Variants in GCNT1 observed in about 807,000 individuals in gnomAD.
GCNT1 encodes beta-1,3-galactosyl-O-glycosyl-glycoprotein beta-1,6-N-acetylglucosaminyltransferase.
Under a neutral mutation model 26.2 loss-of-function variants are expected in GCNT1, and 16 were observed. The observed-to-expected ratio is 0.61, with a 90% CI of 0.41 to 0.93. GCNT1 has a LOEUF of 0.93. Among genes scored for constraint, GCNT1 ranks in the 40% least tolerant of loss-of-function variants. The probability of loss-of-function intolerance (pLI) is 0.00; values close to 1 mark genes in which losing one functional copy is unlikely to be tolerated. For synonymous variants in GCNT1, 183 were observed against 190.8 expected, an observed-to-expected ratio of 0.96 and a Z score of 0.34; for missense variants, 477 against 526.7, an observed-to-expected ratio of 0.91 and a Z score of 0.92.
the GCNT1 span, among the ~76,000 whole-genome samples, chr9:76,403,971 CTT>C: frequency 2.0e-5 from 3 of 152,192 alleles, no homozygotes; most frequent in African/African-American, 7.2e-5. Flanking sequence ...ACACTGGACT[CTT>C]TTCAGAATAA....
At chr9:76,411,513 G>A in the GCNT1 span, among the ~76,000 whole-genome samples, 7 of 150,406 alleles carry the variant, frequency 4.7e-5, no homozygotes, top group Non-Finnish European at 8.9e-5. Flanking sequence ...ATTTTTTGTA[G>A]AGATAGTATC....
intron 2 of GCNT1, among the ~76,000 whole-genome samples, chr9:76,491,817 C>T (rs552957340): frequency 6.6e-6 from 1 of 152,326 alleles, no homozygotes; most frequent in African/African-American, 2.4e-5. Flanking sequence ...GGGCTGCACA[C>T]GTGCATATTT....
intron 1 of GCNT1, among the ~76,000 whole-genome samples, chr9:76,443,876 GGAAAGAAAGAAA>G (rs145373981): frequency 1.8e-5 from 1 of 54,372 alleles, no homozygotes; most frequent in Non-Finnish European, 4.1e-5. Context: ...TCTAAAAAAA[GGAAAGAAAGAAA>G]GAAAGAAAGA....
chr9:76,488,060 CCAGTAGCTGGA>C (rs752633460), intron 2 of GCNT1, among the ~76,000 whole-genome samples: 7 of 152,220 alleles, frequency 4.6e-5, no homozygotes, highest in African/African-American at 9.6e-5. Flanking sequence ...AACTCATTCT[CCAGTAGCTGGA>C]CAGTAGCTGG....
the GCNT1 span, among the ~76,000 whole-genome samples, chr9:76,406,396 C>G: frequency 6.7e-6 from 1 of 149,770 alleles, no homozygotes; most frequent in African/African-American, 2.5e-5. Context: ...ACTTGGGAGG[C>G]TGAGGTAGAA....
intron 2 of GCNT1, among the ~76,000 whole-genome samples, chr9:76,462,209 A>G (rs1564232021): frequency 6.6e-6 from 1 of 151,958 alleles, no homozygotes; most frequent in Admixed American, 6.6e-5. Context: ...CTAATGAGAA[A>G]TGTATTCATG....
chr9:76,403,830 T>C, the GCNT1 span, among the ~76,000 whole-genome samples: 1 of 152,228 alleles, frequency 6.6e-6, no homozygotes, highest in Non-Finnish European at 1.5e-5. Flanking sequence ...GCACCTAGAA[T>C]TATAGGCAGA....
At chr9:76,496,417 G>A (rs1209314875) in intron 2 of GCNT1, among the ~76,000 whole-genome samples, 1 of 152,114 alleles carries the variant, frequency 6.6e-6, no homozygotes, top group Non-Finnish European at 1.5e-5. Flanking sequence ...GTTCTTTCCC[G>A]CCTGTCAGCC....
the GCNT1 span, among the ~76,000 whole-genome samples, chr9:76,408,236 T>A: frequency 6.6e-6 from 1 of 152,234 alleles, no homozygotes; most frequent in Admixed American, 6.5e-5. Flanking sequence ...TAATTTTTCA[T>A]CATTAGCTGT....
chr9:76,422,444 T>C (rs970808983), intron 1 of GCNT1, among the ~76,000 whole-genome samples: 1 of 152,226 alleles, frequency 6.6e-6, no homozygotes, highest in Non-Finnish European at 1.5e-5. Context: ...TTAATTTTAT[T>C]TATAATTTTT....
chr9:76,439,566 A>AG, upstream of GCNT1, among the ~76,000 whole-genome samples: 1 of 151,110 alleles, frequency 6.6e-6, no homozygotes, highest in Non-Finnish European at 1.5e-5. Flanking sequence ...ATGAAAAAAA[A>AG]ATTTTGTCTG....
chr9:76,500,547 G>A (rs1825036419), intron 2 of GCNT1, among the ~76,000 whole-genome samples: 1 of 152,148 alleles, frequency 6.6e-6, no homozygotes, highest in South Asian at 2.1e-4. Context: ...TCAGCTTCAG[G>A]ATTGTCATTA....
chr9:76,436,995 T>A, upstream of GCNT1, among the ~76,000 whole-genome samples: 1 of 152,026 alleles, frequency 6.6e-6, no homozygotes, highest in Non-Finnish European at 1.5e-5. Flanking sequence ...CATTAGGAGA[T>A]ATACCTAATG....
chr9:76,495,488 C>T (rs1382134703), intron 2 of GCNT1, among the ~76,000 whole-genome samples: 1 of 152,222 alleles, frequency 6.6e-6, no homozygotes, highest in Non-Finnish European at 1.5e-5. Flanking sequence ...GTTGCCGCTG[C>T]TGGCTTGGGT....
At chr9:76,435,948 T>C (rs1179952231) in intron 1 of GCNT1, among the ~76,000 whole-genome samples, 1 of 134,880 alleles carries the variant, frequency 7.4e-6, no homozygotes, top group African/African-American at 2.8e-5. Flanking sequence ...GTAGTTCCCA[T>C]ATCTTTTTTT....
At chr9:76,441,877 A>G (rs1483950305) in exon 1 of GCNT1, 1 of 152,232 alleles carries the variant, frequency 6.6e-6, no homozygotes, top group African/African-American at 2.4e-5. Flanking sequence ...TGTCTGAGAA[A>G]CCTGAAACCT....
At chr9:76,395,809 G>C in the GCNT1 span, among the ~76,000 whole-genome samples, 1 of 152,328 alleles carries the variant, frequency 6.6e-6, no homozygotes, top group Non-Finnish European at 1.5e-5. Flanking sequence ...AAGCAATTAA[G>C]TTATCTGGAG....
At chr9:76,401,617 T>C in the GCNT1 span, among the ~76,000 whole-genome samples, 1 of 152,204 alleles carries the variant, frequency 6.6e-6, no homozygotes, top group Non-Finnish European at 1.5e-5. Flanking sequence ...AAACAGATTA[T>C]CAAAGCAAGA....
intron 2 of GCNT1, among the ~76,000 whole-genome samples, chr9:76,461,183 A>G (rs1475531981): frequency 7.4e-6 from 1 of 135,444 alleles, no homozygotes; most frequent in Non-Finnish European, 1.6e-5. Flanking sequence ...TCAGCCATAC[A>G]GTGTAGGCAG....
Sources: allele counts gnomAD v4.1 joint callset (sites outside exome capture counted in the v4.1 genomes callset), GRCh38; gene constraint gnomAD v4.1.1; transcripts MANE v1.5; gene names NCBI Gene and HGNC (gene_info 2026-07-23, HGNC 2026-07-21).